The following EYS variants were observed in gnomAD, a reference collection of about 807,000 sequenced individuals.
The protein encoded by EYS is protein eyes shut homolog.
Under a neutral mutation model 282.1 loss-of-function variants are expected in EYS, and 250 were observed. That is an observed-to-expected ratio of 0.89 (90% confidence interval 0.80 to 0.98). The LOEUF is 0.98. Ranked by LOEUF, EYS falls within the 50% of genes least tolerant of loss-of-function variation. The probability of loss-of-function intolerance (pLI) is 0.00; values close to 1 mark genes in which losing one functional copy is unlikely to be tolerated. For missense variants in EYS, 4,016 were observed against 3,709.0 expected, an observed-to-expected ratio of 1.08 and a Z score of -2.15; for synonymous variants, 1,355 against 1,282.9, an observed-to-expected ratio of 1.06 and a Z score of -1.20.
chr6:64,256,338 T>C (rs566596493), intron 30 of EYS, among the ~76,000 whole-genome samples: 1 of 152,136 alleles, frequency 6.6e-6, no homozygotes, highest in Admixed American at 6.6e-5. Context: ...TTGTGGTTGC[T>C]TTCAGGACCT....
chr6:65,477,968 C>T (rs1267690354), intron 5 of EYS, among the ~76,000 whole-genome samples: 4 of 152,050 alleles, frequency 2.6e-5, no homozygotes, highest in African/African-American at 4.8e-5. Flanking sequence ...AATGATAATA[C>T]TTTGAACTTC....
intron 30 of EYS, among the ~76,000 whole-genome samples, chr6:64,295,904 G>T (rs1164846585): frequency 6.6e-6 from 1 of 152,028 alleles, no homozygotes. Flanking sequence ...GACTGGAGGG[G>T]ATATTAACAA....
chr6:64,120,182 CT>C (rs1250076445), intron 31 of EYS, among the ~76,000 whole-genome samples: 6 of 144,502 alleles, frequency 4.2e-5, no homozygotes, highest in African/African-American at 1.6e-4. Flanking sequence ...CCTGTCTCTA[CT>C]AAAAAAAAAA....
At chr6:64,132,327 C>G (rs1356540151) in intron 31 of EYS, among the ~76,000 whole-genome samples, 1 of 151,614 alleles carries the variant, frequency 6.6e-6, no homozygotes, top group Non-Finnish European at 1.5e-5. Context: ...GGTGAAGGGA[C>G]AGCAGTTGAA....
chr6:64,309,754 CAA>C (rs113530453), intron 29 of EYS, among the ~76,000 whole-genome samples: 35 of 152,062 alleles, frequency 2.3e-4, no homozygotes, highest in African/African-American at 7.2e-4. Flanking sequence ...ATCATGAGGT[CAA>C]GAGATCAAGA....
chr6:64,847,281 TTA>T (rs940847531), intron 19 of EYS, among the ~76,000 whole-genome samples: 4 of 150,830 alleles, frequency 2.7e-5, no homozygotes, highest in African/African-American at 9.7e-5. Context: ...TATATGTATA[TTA>T]TGTGTGTGTG....
rs1326546845 is a variant in EYS at position 63,721,748 on chromosome 6, G to A, written c.8283C>T (p.Tyr2761=). 1 of 1,550,594 alleles carries A rather than the reference G, an allele frequency of 6.4e-7. No homozygotes were observed. Among genetic ancestry groups the A allele is most frequent in the Non-Finnish European group, 8.7e-7 (1 of 1,146,140 alleles). ...GAATGATAGTTCTGTCGCCAAGGTT[G>A]TAGCGAAGTTGAACGGAACTATTTA... The part of the protein sequence containing the change: ...SLVNSSVQLR[Y]NLGDRTIILE... The change falls in exon 43 of 43, where the codon TAC becomes TAT. Residue 2761 remains tyrosine, a synonymous_variant. Coordinates refer to ENST00000503581, the MANE Select transcript of EYS (RefSeq NM_001142800.2).
intron 12 of EYS, among the ~76,000 whole-genome samples, chr6:65,220,654 G>A (rs1445339183): frequency 3.3e-5 from 5 of 152,158 alleles, no homozygotes; most frequent in African/African-American, 9.7e-5. Context: ...GGCACCAGTA[G>A]AGTGGGGTGC....
chr6:64,405,879 C>T (rs115397865), intron 28 of EYS, among the ~76,000 whole-genome samples: 6 of 151,734 alleles, frequency 4.0e-5, no homozygotes, highest in Non-Finnish European at 8.9e-5. Context: ...GAAGCAATAT[C>T]GTGAAAAGTA....
At chr6:65,201,139 C>T (rs1281541089) in intron 12 of EYS, among the ~76,000 whole-genome samples, 1 of 152,034 alleles carries the variant, frequency 6.6e-6, no homozygotes, top group East Asian at 1.9e-4. Context: ...AAAGAAAGTT[C>T]TCAGTTTACT....
chr6:64,516,012 G>C (rs185786592), intron 26 of EYS, among the ~76,000 whole-genome samples: 1 of 151,614 alleles, frequency 6.6e-6, no homozygotes, highest in African/African-American at 2.4e-5. Flanking sequence ...AGTCACCTAA[G>C]ATGTAATTAA....
intron 33 of EYS, among the ~76,000 whole-genome samples, chr6:64,034,902 T>A (rs538723149): frequency 6.6e-6 from 1 of 152,330 alleles, no homozygotes; most frequent in East Asian, 1.9e-4. Context: ...TTTTAATATC[T>A]TACCAAAGCA....
chr6:64,430,627 T>C (rs1774546579), intron 28 of EYS, among the ~76,000 whole-genome samples: 2 of 152,182 alleles, frequency 1.3e-5, no homozygotes, highest in Admixed American at 1.3e-4. Flanking sequence ...ATATTTTCCC[T>C]TATAGAAATA....
At chr6:65,291,071 A>G (rs1004175450) in intron 12 of EYS, among the ~76,000 whole-genome samples, 22 of 151,644 alleles carry the variant, frequency 1.5e-4, no homozygotes, top group African/African-American at 5.3e-4. Context: ...TTATTTGCAG[A>G]TGTAATTCTC....
intron 22 of EYS, among the ~76,000 whole-genome samples, chr6:64,723,276 G>A (rs924111220): frequency 2.6e-5 from 4 of 152,052 alleles, no homozygotes; most frequent in East Asian, 1.9e-4. Context: ...ACAGGAAAAC[G>A]AGACAAATAC....
At chr6:65,084,986 C>T (rs752930004) in intron 12 of EYS, among the ~76,000 whole-genome samples, 1 of 151,982 alleles carries the variant, frequency 6.6e-6, no homozygotes, top group Non-Finnish European at 1.5e-5. Context: ...GGGTTCTCCA[C>T]TGATTGAATT....
chr6:65,200,968 C>T (rs1765885399), intron 12 of EYS, among the ~76,000 whole-genome samples: 1 of 151,898 alleles, frequency 6.6e-6, no homozygotes, highest in African/African-American at 2.4e-5. Context: ...GTAAAAATGA[C>T]AGTTTTTAAA....
chr6:64,551,273 T>C (rs1405128140), intron 26 of EYS, among the ~76,000 whole-genome samples: 2 of 150,766 alleles, frequency 1.3e-5, no homozygotes, highest in African/African-American at 4.9e-5. Context: ...TGATTTTAGG[T>C]GAATAAAAAA....
intron 36 of EYS, among the ~76,000 whole-genome samples, chr6:63,827,934 G>A (rs1771521267): frequency 6.6e-6 from 1 of 151,020 alleles, no homozygotes. Context: ...ACTCCAAAAG[G>A]AACCTTCAAA....
Sources: gnomAD v4.1 joint callset for allele counts (sites outside exome capture counted in the v4.1 genomes callset) on GRCh38, gnomAD v4.1.1 for gene constraint, MANE v1.5 for transcripts, NCBI Gene and HGNC (gene_info 2026-07-23, HGNC 2026-07-21) for gene names.